CAPN2: variants seen among roughly 807,000 people sequenced by gnomAD.
CAPN2 encodes calpain 2.
Under a neutral mutation model 102.3 loss-of-function variants are expected in CAPN2, and 92 were observed. The ratio of observed to expected loss-of-function variants is 0.90; its 90% confidence interval spans 0.76 to 1.07. CAPN2 has a LOEUF of 1.07. CAPN2 is among the 50% of genes least tolerant of loss of function. The probability of loss-of-function intolerance (pLI) is 0.00; values close to 1 mark genes in which losing one functional copy is unlikely to be tolerated. For synonymous variants in CAPN2, 340 were observed against 355.4 expected, an observed-to-expected ratio of 0.96 and a Z score of 0.49; for missense variants, 800 against 909.4, an observed-to-expected ratio of 0.88 and a Z score of 1.55.
rs752142430 is a variant in CAPN2, at chr1:223,712,769, G to A, written c.129G>A (p.Gly43=). The A allele has an allele frequency of 6.3e-7, 1 of 1,580,628 alleles. No individual in the cohort carries two copies. Among genetic ancestry groups the A allele is most frequent in the South Asian group, 1.2e-5 (1 of 86,358 alleles). The change falls in exon 1 of 21, where the codon GGG becomes GGA. Residue 43 remains glycine (G), a synonymous_variant. Transcript: ENST00000295006. Reference sequence around the variant, plus strand: ...TGCGGAACGAGTGCCTGGAGGCCGGGACGCTCTTCCAGGACCCGTCCTTCC... The same window carrying A: ...TGCGGAACGAGTGCCTGGAGGCCGGAACGCTCTTCCAGGACCCGTCCTTCC... ...EALRNECLEA[G]TLFQDPSFPA...
At chr1:223,750,127 TCA>T (rs913569239) in intron 6 of CAPN2, among the ~76,000 whole-genome samples, 1 of 152,086 alleles carries the variant, frequency 6.6e-6, no homozygotes, top group Non-Finnish European at 1.5e-5. Flanking sequence ...AACTACCCCC[TCA>T]CACACACACG....
rs1203392072 is a variant in CAPN2, at chr1:223,756,652, TG to T, written c.1306-715del. Among the ~76,000 whole-genome samples the T allele has an allele frequency of 2.0e-4, 31 of 152,252 alleles. No homozygotes were observed. The highest frequency in any genetic ancestry group is 6.0e-4 in the African/African-American group (25 of 41,528). ...TCACCACTGGCAACGTTGCCACCCATGGAACACTGACTTCTACCTGCTCACC... is the reference window on the plus strand; with the variant it reads ...TCACCACTGGCAACGTTGCCACCCATGAACACTGACTTCTACCTGCTCACC... On this transcript the variant is annotated intron_variant, in intron 10 of 20. Transcript: ENST00000295006. The surrounding 1 kb of genome is among the most constrained non-coding windows in gnomAD (Gnocchi z 4.1).
intron 2 of CAPN2, among the ~76,000 whole-genome samples, chr1:223,718,346 C>T (rs1659938002): frequency 6.6e-6 from 1 of 152,242 alleles, no homozygotes; most frequent in Non-Finnish European, 1.5e-5. Context: ...GCAAGACAAG[C>T]TCACCATGGT....
chr1:223,741,468 A>ATATATATT lies in CAPN2; in HGVS notation c.308-2631_308-2630insATATATTT, dbSNP rs71166282. Among the ~76,000 whole-genome samples, 166 of 138,348 alleles carry ATATATATT rather than the reference A, an allele frequency of 1.2e-3. 1 individual carries two copies. Among genetic ancestry groups the ATATATATT allele is most frequent in the Middle Eastern group, 3.6e-3 (1 of 274 alleles). The allele number at this position is 138,348 out of a possible 152,430, so 90.8% of individuals were successfully genotyped here. A position where few individuals can be genotyped will look rare whatever the true frequency, so the allele number is the denominator to read the frequency against. On this transcript the variant is annotated intron_variant, in intron 2 of 20. Coordinates refer to ENST00000295006, the MANE Select transcript of CAPN2 (RefSeq NM_001748.5). ...TATATATATATATATATATATATATATTTGAGAGGGAGTCTCATTCTTGTT... is the reference window on the plus strand; with the variant it reads ...TATATATATATATATATATATATATATATATATTTTTGAGAGGGAGTCTCATTCTTGTT...
intron 2 of CAPN2, among the ~76,000 whole-genome samples, chr1:223,722,942 C>G (rs924709176): frequency 6.6e-6 from 1 of 152,202 alleles, no homozygotes; most frequent in African/African-American, 2.4e-5. Context: ...GACAGTCTCT[C>G]AAGTCTTTCC....
At chr1:223,741,122 G>A (rs966812247) in intron 2 of CAPN2, among the ~76,000 whole-genome samples, 1 of 152,112 alleles carries the variant, frequency 6.6e-6, no homozygotes, top group Non-Finnish European at 1.5e-5. Context: ...TCGGGGCCTG[G>A]CACACCTAAG....
rs776371948 is a variant in CAPN2, at chr1:223,725,005, A to AT, written c.307+7175dup. Among the ~76,000 whole-genome samples, 16 of 152,270 alleles carry AT rather than the reference A, an allele frequency of 1.1e-4. No individual in the cohort carries two copies. Among genetic ancestry groups the AT allele is most frequent in the Non-Finnish European group, 1.8e-4 (12 of 68,018 alleles). On this transcript the variant is annotated intron_variant, in intron 2 of 20. Coordinates refer to ENST00000295006, the MANE Select transcript of CAPN2 (RefSeq NM_001748.5). The surrounding 1 kb of genome is among the most constrained non-coding windows in gnomAD (Gnocchi z 4.1). ...AACAGCTAAACCTACATCAATAAAC[A>AT]TCTGTAAATATCAGGGTAGCGAATG...
intron 13 of CAPN2, chr1:223,761,842 A>G: frequency 1.9e-6 from 1 of 528,606 alleles, no homozygotes; most frequent in Non-Finnish European, 3.3e-6. Context: ...CACTGTCAAA[A>G]TCCATCCACA....
intron 3 of CAPN2, among the ~76,000 whole-genome samples, chr1:223,744,585 G>A (rs1660705756): frequency 6.6e-6 from 1 of 152,208 alleles, no homozygotes; most frequent in African/African-American, 2.4e-5. Context: ...AGCTGGCTGG[G>A]CACGGTAGCT....
intron 6 of CAPN2, among the ~76,000 whole-genome samples, chr1:223,750,225 C>T (rs1660852381): frequency 6.6e-6 from 1 of 152,142 alleles, no homozygotes; most frequent in Non-Finnish European, 1.5e-5. Context: ...CTAGATTCAC[C>T]GATTGCTAAC....
chr1:223,774,091 A>C (rs1661552727), intron 20 of CAPN2, among the ~76,000 whole-genome samples: 1 of 152,052 alleles, frequency 6.6e-6, no homozygotes, highest in South Asian at 2.1e-4. Context: ...GAAACATGCC[A>C]CATGTTAAGT....
chr1:223,714,776 G>C (rs1659832950), intron 1 of CAPN2, among the ~76,000 whole-genome samples: 1 of 152,050 alleles, frequency 6.6e-6, no homozygotes, highest in Admixed American at 6.5e-5. Flanking sequence ...ACTATATGCT[G>C]GGCACAATGC....
chr1:223,763,573 A>G lies in CAPN2; in HGVS notation c.1633-577A>G, dbSNP rs150509999. On this transcript the variant is annotated intron_variant, in intron 14 of 20. Coordinates refer to ENST00000295006, the MANE Select transcript of CAPN2 (RefSeq NM_001748.5). ...TGATGGGCATAGAGGAGGGCCGGCT[A>G]GGTCTTGGAGACAGCTGGTTTTCAC... is the stretch of plus-strand genomic sequence containing the variant. Among the ~76,000 whole-genome samples, 1,083 of 152,368 alleles carry G rather than the reference A, an allele frequency of 7.1e-3. 6 individuals are homozygous for G. The highest frequency in any genetic ancestry group is 0.011 in the Non-Finnish European group (738 of 68,040).
Position 223,775,054 on chromosome 1 carries a change from T to C in CAPN2, c.*197T>C, listed in dbSNP as rs1366385337. On this transcript the variant is annotated 3_prime_UTR_variant, in exon 21 of 21. Coordinates refer to ENST00000295006, the MANE Select transcript of CAPN2 (RefSeq NM_001748.5). ...CACATCAAAGTAAAAGATTTGCATA[T>C]CATTATACTAAATGCAAATGAGTCG... The C allele has an allele frequency of 1.3e-5, 8 of 594,196 alleles. No individual in the cohort carries two copies. Among genetic ancestry groups the C allele is most frequent in the Admixed American group, 3.1e-5 (1 of 31,870 alleles). 36.8% of individuals were successfully genotyped at this position (594,196 alleles called of 1,614,324 possible).
intron 7 of CAPN2, 89 bp downstream of exon 7, chr1:223,751,064 A>C (rs1418538739): frequency 1.8e-6 from 2 of 1,141,884 alleles, no homozygotes; most frequent in Admixed American, 4.0e-5. Flanking sequence ...AGACATGTGC[A>C]TTATTCTGAG....
At chr1:223,767,554 G>A (rs1323904831) in intron 16 of CAPN2, among the ~76,000 whole-genome samples, 1 of 151,556 alleles carries the variant, frequency 6.6e-6, no homozygotes, top group Non-Finnish European at 1.5e-5. Context: ...ATTCCATGGT[G>A]TATATGAGCC....
intron 15 of CAPN2, among the ~76,000 whole-genome samples, chr1:223,765,568 C>T (rs1163521463): frequency 6.6e-6 from 1 of 152,224 alleles, no homozygotes; most frequent in African/African-American, 2.4e-5. Context: ...TCAGCCCGCT[C>T]CTTGCTGGGG....
At chr1:223,742,264 T>C (rs896972630) in intron 2 of CAPN2, among the ~76,000 whole-genome samples, 3 of 151,686 alleles carry the variant, frequency 2.0e-5, no homozygotes, top group African/African-American at 4.8e-5. Flanking sequence ...TGGTGGCAGG[T>C]GCCTATAATC....
At chr1:223,732,439 T>G (rs1660360363) in intron 2 of CAPN2, among the ~76,000 whole-genome samples, 2 of 152,222 alleles carry the variant, frequency 1.3e-5, no homozygotes, top group Admixed American at 1.3e-4. Context: ...CCTCCTCTTT[T>G]TAGATCACGT....
Sources: allele counts gnomAD v4.1 joint callset (sites outside exome capture counted in the v4.1 genomes callset), GRCh38; gene constraint gnomAD v4.1.1; non-coding constraint Gnocchi (gnomAD v3.1); transcripts MANE v1.5; gene names NCBI Gene and HGNC (gene_info 2026-07-23, HGNC 2026-07-21).